CYP4Z1: variants seen among roughly 807,000 people sequenced by gnomAD.
The protein encoded by CYP4Z1 is cytochrome P450 4Z1.
In CYP4Z1, 41 loss-of-function variants were observed where a neutral mutation model predicts 54.2. That is an observed-to-expected ratio of 0.76 (90% CI 0.59 to 0.98). The LOEUF is 0.98. CYP4Z1 is among the 50% of genes least tolerant of loss of function. CYP4Z1 has a pLI of 0.00. For synonymous variants in CYP4Z1, 163 were observed against 206.2 expected (o/e 0.79, Z 1.79); for missense variants, 513 against 599.0 (o/e 0.86, Z 1.50).
chr1:47,096,227 G>C (rs1644675736), intron 7 of CYP4Z1, among the ~76,000 whole-genome samples: 1 of 152,106 alleles, frequency 6.6e-6, no homozygotes, highest in Non-Finnish European at 1.5e-5. Flanking sequence ...AGACAAGCCT[G>C]GGCAACATAG....
At position 47,099,083 on chromosome 1, in the gene CYP4Z1, G is replaced by C. The variant is rs1644700767; in HGVS notation, c.877-11G>C. On this transcript the variant is annotated splice_polypyrimidine_tract_variant and intron_variant, in intron 7 of 11. Coordinates refer to ENST00000334194, the MANE Select transcript of CYP4Z1 (RefSeq NM_178134.3). ...CCAGCTTTGGATAAAGATCATCACT[G>C]TATTTTTTAGAGCGAAAACACCAAA... The C allele has an allele frequency of 6.2e-7, 1 of 1,614,000 alleles. No homozygotes were observed.
intron 1 of CYP4Z1, 144 bp from the exon 2 acceptor site, chr1:47,068,478 A>T: frequency 1.9e-6 from 2 of 1,032,138 alleles, no homozygotes; most frequent in East Asian, 4.9e-5. Context: ...CACATGGAGA[A>T]GAAAACTTGC....
chr1:47,064,124 C>T (rs1477815142), upstream of CYP4Z1, among the ~76,000 whole-genome samples: 2 of 146,750 alleles, frequency 1.4e-5, no homozygotes, highest in Non-Finnish European at 3.0e-5. Context: ...ACTCTGTTGC[C>T]CACACTGGAG....
In CYP4Z1 at chr1:47,074,496, T is replaced by C. The variant is rs868742114; in HGVS notation, c.319+5733T>C. 4.0e-5 allele frequency among the ~76,000 whole-genome samples: 6 copies of C among 151,874 alleles called. No individual in the cohort carries two copies. The South Asian group carries it at 6.3e-4, about 16-fold the overall frequency. On this transcript the variant is annotated intron_variant, in intron 2 of 11. Transcript: ENST00000334194. ...CAATGATGTGATTTCATTGTTTTTT[T>C]CCCCCTTTGGTACATTTTTAGTTAA...
Position 47,086,629 on chromosome 1 carries a change from T to C in CYP4Z1, c.772+1651T>C, listed in dbSNP as rs368766820. Among the ~76,000 whole-genome samples the C allele has an allele frequency of 1.4e-4, 22 of 152,300 alleles. No individual in the cohort carries two copies. In the East Asian group the frequency reaches 2.1e-3, roughly 15 times the overall value. On this transcript the variant is annotated intron_variant, in intron 6 of 11. Transcript: ENST00000334194. ...AGATGAGGAGATTGCAAAAATTTTC[T>C]CCCATCTGTAGGCTGTCTGTTCACT... is the stretch of plus-strand genomic sequence containing the variant.
At chr1:47,086,093 T>C (rs1317662389) in intron 6 of CYP4Z1, among the ~76,000 whole-genome samples, 2 of 152,118 alleles carry the variant, frequency 1.3e-5, no homozygotes, top group East Asian at 1.9e-4. Context: ...CAGTCTATCA[T>C]TGTTGGACAT....
chr1:47,114,661 A>G (rs1644816974), intron 9 of CYP4Z1, among the ~76,000 whole-genome samples: 1 of 152,254 alleles, frequency 6.6e-6, no homozygotes, highest in South Asian at 2.1e-4. Flanking sequence ...TTCTCAAAAG[A>G]AGACATTTAT....
rs917004128 is a variant in CYP4Z1 at position 47,091,452 on chromosome 1, C to T, written c.773-3114C>T. On this transcript the variant is annotated intron_variant, in intron 6 of 11. Coordinates refer to ENST00000334194, the MANE Select transcript of CYP4Z1 (RefSeq NM_178134.3). ...TGATATTTTATAGGAGGTCCATTGG[C>T]GGTTTTCCTTTTAAATGGCAGCATG... Among the ~76,000 whole-genome samples, 2 of 145,824 alleles carry T rather than the reference C, an allele frequency of 1.4e-5. 1 individual carries two copies. The highest frequency in any genetic ancestry group is 1.4e-4 in the Admixed American group (2 of 14,718).
chr1:47,083,909 T>C (rs1644573436), intron 4 of CYP4Z1, among the ~76,000 whole-genome samples: 1 of 152,226 alleles, frequency 6.6e-6, no homozygotes, highest in Non-Finnish European at 1.5e-5. Flanking sequence ...CATCTGATTT[T>C]AGTAACGTGT....
intron 7 of CYP4Z1, chr1:47,096,541 T>G (rs973591676): frequency 1.6e-4 from 24 of 152,212 alleles, no homozygotes; most frequent in African/African-American, 5.8e-4. Flanking sequence ...ATGTGCAGGT[T>G]TGTTACATAG....
In CYP4Z1 at chr1:47,093,831, T is replaced by C. The variant is rs911414954; in HGVS notation, c.773-735T>C. ...AAGGAAACGTTGGAAAGCCACAACGTACTGCAGAGAACCAACAATGTGTGT... is the reference window on the plus strand; with the variant it reads ...AAGGAAACGTTGGAAAGCCACAACGCACTGCAGAGAACCAACAATGTGTGT... On this transcript the variant is annotated intron_variant, in intron 6 of 11. Coordinates refer to ENST00000334194, the MANE Select transcript of CYP4Z1 (RefSeq NM_178134.3). 3.5e-4 allele frequency among the ~76,000 whole-genome samples: 53 copies of C among 152,222 alleles called. 5 individuals carry two copies.
chr1:47,065,771 T>C (rs148318460), upstream of CYP4Z1, among the ~76,000 whole-genome samples: 1,433 of 152,150 alleles, frequency 9.4e-3, 12 homozygotes, highest in African/African-American at 0.032. Context: ...ATAAAATTGA[T>C]GAACCATTAG....
chr1:47,099,376 G>A, intron 8 of CYP4Z1, 92 bp downstream of exon 8: 1 of 1,259,088 alleles, frequency 7.9e-7, no homozygotes, highest in Non-Finnish European at 1.1e-6. Flanking sequence ...TGTGCATTGA[G>A]ATAGTCTGTA....
intron 6 of CYP4Z1, among the ~76,000 whole-genome samples, chr1:47,090,641 G>A (rs1254728090): frequency 6.6e-6 from 1 of 152,222 alleles, no homozygotes; most frequent in Non-Finnish European, 1.5e-5. Flanking sequence ...GACTGAGTAA[G>A]ATAAGTAGCC....
At chr1:47,113,949 A>G (rs1429456269) in intron 9 of CYP4Z1, among the ~76,000 whole-genome samples, 1 of 152,214 alleles carries the variant, frequency 6.6e-6, no homozygotes, top group African/African-American at 2.4e-5. Flanking sequence ...AAACTACTTT[A>G]AAGTTCATAT....
intron 7 of CYP4Z1, among the ~76,000 whole-genome samples, chr1:47,095,771 G>T (rs1251889030): frequency 6.6e-6 from 1 of 152,126 alleles, no homozygotes; most frequent in African/African-American, 2.4e-5. Context: ...AGACAATTCT[G>T]GTTTGGTCCA....
Position 47,118,093 on chromosome 1 carries a change from A to T in CYP4Z1, c.*159A>T. On this transcript the variant is annotated 3_prime_UTR_variant, in exon 12 of 12. Transcript: ENST00000334194. ...TTTGACATCCATTAACAGTAATTTT[A>T]ATTTCTTTGCTGTATCTGGTGAAAC... 1.3e-6 allele frequency: 1 copy of T among 774,054 alleles called. No homozygotes were observed. The highest frequency in any genetic ancestry group is 3.3e-5 in the Admixed American group (1 of 30,060). The allele number at this position is 774,054 out of a possible 1,614,324, so 47.9% of individuals were successfully genotyped here.
At chr1:47,108,254 C>T (rs1444859126) in intron 9 of CYP4Z1, among the ~76,000 whole-genome samples, 1 of 152,162 alleles carries the variant, frequency 6.6e-6, no homozygotes, top group African/African-American at 2.4e-5. Flanking sequence ...TCACTTTCTT[C>T]ACCCCAGGCT....
chr1:47,057,335 A>AAAAAAAAAATATAT, the CYP4Z1 span, among the ~76,000 whole-genome samples: 119 of 28,364 alleles, frequency 4.2e-3, 3 homozygotes, highest in Non-Finnish European at 7.3e-3. Context: ...AAGAAAAAAA[A>AAAAAAAAAATATAT]ATATATATAT....
Sources: allele counts gnomAD v4.1 joint callset (sites outside exome capture counted in the v4.1 genomes callset), GRCh38; gene constraint gnomAD v4.1.1; transcripts MANE v1.5; gene names NCBI Gene and HGNC (gene_info 2026-07-23, HGNC 2026-07-21).